Variants in AHNAK2 observed in about 807,000 individuals in gnomAD.
AHNAK2 encodes AHNAK nucleoprotein 2.
In AHNAK2, 18 loss-of-function variants were observed where a neutral mutation model predicts 30.7. The ratio of observed to expected loss-of-function variants is 0.59; its 90% CI spans 0.41 to 0.87. The LOEUF is 0.87. AHNAK2 is among the 40% of genes least tolerant of loss of function. The probability of loss-of-function intolerance (pLI) is 0.00; values close to 1 mark genes in which losing one functional copy is unlikely to be tolerated. For missense variants in AHNAK2, 8,604 were observed against 7,373.0 expected (o/e 1.17, Z -6.11); for synonymous variants, 3,590 against 3,073.8 (o/e 1.17, Z -5.56).
In AHNAK2 at chr14:104,978,299, G is replaced by A; in HGVS notation, c.-62C>T. The A allele has an allele frequency of 9.8e-7, 1 of 1,018,010 alleles. No homozygotes were observed. 63.1% of individuals were successfully genotyped at this position (1,018,010 alleles called of 1,614,324 possible). A position where few individuals can be genotyped will look rare whatever the true frequency, so the allele number is the denominator to read the frequency against. On this transcript the variant is annotated 5_prime_UTR_variant, in exon 1 of 7. Coordinates refer to ENST00000333244, the MANE Select transcript of AHNAK2 (RefSeq NM_138420.4). ...GCGTCCAGTCGCTGGTCCCGGCTCC[G>A]GCGCACGGGGCGGGCGGGCGGGAGC...
rs11548712 is a variant in AHNAK2 at position 104,937,450 on chromosome 14, T to C, written c.*613A>G. 1,228 of 152,636 alleles carry C rather than the reference T, an allele frequency of 8.0e-3. 14 individuals are homozygous for C. The highest frequency in any genetic ancestry group is 0.048 in the Middle Eastern group (14 of 294). The allele number at this position is 152,636 out of a possible 1,614,324, so 9.5% of individuals were successfully genotyped here. Reference sequence around the variant, plus strand: ...GACAACTCACAGATGTCCTAGCTTCTGCTGGCCCAGCTGCCAGCCACTGGC... The same window carrying C: ...GACAACTCACAGATGTCCTAGCTTCCGCTGGCCCAGCTGCCAGCCACTGGC... On this transcript the variant is annotated 3_prime_UTR_variant, in exon 7 of 7. Coordinates refer to ENST00000333244, the MANE Select transcript of AHNAK2 (RefSeq NM_138420.4).
At position 104,948,523 on chromosome 14, in the gene AHNAK2, C is replaced by A; in HGVS notation, c.6928G>T (p.Asp2310Tyr). Reference protein sequence around the residue: ...LEGDMSLADKDVTAKDSKFKM... With the variant: ...LEGDMSLADKYVTAKDSKFKM... ...AACTTGCTGTCTTTGGCAGTCACGTCCTTGTCGGCCAGGGACATGTCCCCC... is the reference window on the plus strand; with the variant it reads ...AACTTGCTGTCTTTGGCAGTCACGTACTTGTCGGCCAGGGACATGTCCCCC... The change falls in exon 7 of 7, where the codon GAC becomes TAC. Residue 2310 changes from aspartate to tyrosine, a missense_variant. Coordinates refer to ENST00000333244, the MANE Select transcript of AHNAK2 (RefSeq NM_138420.4). 1 of 1,612,070 alleles carries A rather than the reference C, an allele frequency of 6.2e-7. No homozygotes were observed.
chr14:104,976,241 T>TA (rs1397029032), intron 1 of AHNAK2, among the ~76,000 whole-genome samples: 7 of 152,070 alleles, frequency 4.6e-5, no homozygotes, highest in Admixed American at 2.0e-4. Flanking sequence ...TGGCTGGTGT[T>TA]ACAGTCGGCA....
rs1377662076 is a variant in AHNAK2 at position 104,940,009 on chromosome 14, C to A, written c.15442G>T (p.Gly5148Trp). 1.9e-6 allele frequency: 3 copies of A among 1,612,658 alleles called. No homozygotes were observed. Among genetic ancestry groups the A allele is most frequent in the Non-Finnish European group, 2.5e-6 (3 of 1,179,874 alleles). ...LGDVPVSQPCGEGIAPTPEDP... is the reference protein window; with the variant it reads ...LGDVPVSQPCWEGIAPTPEDP... ...TCAGGTGTGGGGGCTATCCCCTCCC[C>A]ACAAGGCTGGCTCACTGGGACATCC... Residue 5148 changes from glycine to tryptophan, a missense_variant, in exon 7 of 7, where the codon GGG becomes TGG. Gly to Trp is a radical substitution (Grantham distance 184, BLOSUM62 -2). Coordinates refer to ENST00000333244, the MANE Select transcript of AHNAK2 (RefSeq NM_138420.4). This position sits in a 1 kb window ranked among gnomAD's most constrained non-coding sequence, Gnocchi z 4.4.
Position 104,951,312 on chromosome 14 carries a change from G to A in AHNAK2, c.4139C>T (p.Pro1380Leu), listed in dbSNP as rs1284885995. 19 of 1,065,474 alleles carry A rather than the reference G, an allele frequency of 1.8e-5. 5 individuals are homozygous for A. Among genetic ancestry groups the A allele is most frequent in the African/African-American group, 1.7e-4 (12 of 69,136 alleles). 66.0% of individuals were successfully genotyped at this position (1,065,474 alleles called of 1,614,324 possible). The change falls in exon 7 of 7, where the codon CCC becomes CTC. Residue 1380 changes from proline (P) to leucine (L), a missense_variant. Transcript: ENST00000333244. ...CTGGAGCTCCAGGTCAGTGGAAGGGGGCTGAATGCTGAGGTCAGTGGTCTT... is the reference window on the plus strand; with the variant it reads ...CTGGAGCTCCAGGTCAGTGGAAGGGAGCTGAATGCTGAGGTCAGTGGTCTT... ...DLKTTDLSIQPPSTDLELQAG... is the reference protein window; with the variant it reads ...DLKTTDLSIQLPSTDLELQAG...
Position 104,953,347 on chromosome 14 carries a change from C to G in AHNAK2, c.2104G>C (p.Ala702Pro), listed in dbSNP as rs1050595344. 1.9e-6 allele frequency: 3 copies of G among 1,613,618 alleles called. No individual in the cohort carries two copies. The African/African-American group carries it at 4.0e-5, about 22-fold the overall frequency. The change falls in exon 7 of 7, where the codon GCG (alanine) becomes CCG (proline). Residue 702 changes from alanine (A) to proline (P), a missense_variant. Ala to Pro is a conservative substitution (Grantham distance 27). Coordinates refer to ENST00000333244, the MANE Select transcript of AHNAK2 (RefSeq NM_138420.4). ...KSMEASVDVS[A>P]PKVEADVSLL... ...CTCACGTCGGCCTCCACCTTCGGCG[C>G]AGACACATCCACCGAGGCCTCCATG...
chr14:104,950,301 A>G lies in AHNAK2; in HGVS notation c.5150T>C (p.Val1717Ala). 1 of 1,583,336 alleles carries G rather than the reference A, an allele frequency of 6.3e-7. No individual in the cohort carries two copies. ...TTTCACGTTCACTTGGCCAGCCTGG[A>G]CCTCCAGGTCGGCGGAAGGGGACTG... Reference protein sequence around the residue: ...SIQSPSADLEVQAGQVNVKLP... With the variant: ...SIQSPSADLEAQAGQVNVKLP... The change falls in exon 7 of 7, where the codon GTC becomes GCC. Residue 1717 changes from valine to alanine, a missense_variant. Transcript: ENST00000333244.
At position 104,953,219 on chromosome 14, in the gene AHNAK2, C is replaced by T. The variant is rs375656486; in HGVS notation, c.2232G>A (p.Pro744=). 78 of 1,612,748 alleles carry T rather than the reference C, an allele frequency of 4.8e-5. No homozygotes were observed. Among genetic ancestry groups the T allele is most frequent in the South Asian group, 2.1e-4 (19 of 91,038 alleles). Residue 744 remains proline (P), a synonymous_variant, in exon 7 of 7, where the codon CCG becomes CCA. Transcript: ENST00000333244. ...TGGCTCCCTCGGGCAGGGGGCCCTC[C>T]GGAAGTTTCACATCCACTTGGCCAT... is the stretch of plus-strand genomic sequence containing the variant. ...VQDGQVDVKL[P]EGPLPEGASL... is the part of the protein sequence containing the mutation.
At position 104,946,607 on chromosome 14, in the gene AHNAK2, G is replaced by C. The variant is rs752889924; in HGVS notation, c.8844C>G (p.Val2948=). ...EVSLPSVEVD[V]EAPRAKLDGA... ...CATCCAGCTTTGCTCTCGGGGCCTC[G>C]ACGTCCACCTCCACGCTGGGCAGAG... The change falls in exon 7 of 7, where the codon GTC becomes GTG. Residue 2948 remains valine, a synonymous_variant. Coordinates refer to ENST00000333244, the MANE Select transcript of AHNAK2 (RefSeq NM_138420.4). The C allele has an allele frequency of 4.3e-6, 7 of 1,612,612 alleles. No individual in the cohort carries two copies. The highest frequency in any genetic ancestry group is 5.9e-6 in the Non-Finnish European group (7 of 1,179,668).
At position 104,954,231 on chromosome 14, in the gene AHNAK2, C is replaced by A; in HGVS notation, c.1220G>T (p.Gly407Val). 6.2e-7 allele frequency: 1 copy of A among 1,611,806 alleles called. No individual in the cohort carries two copies. Among genetic ancestry groups the A allele is most frequent in the South Asian group, 1.1e-5 (1 of 91,078 alleles). The change falls in exon 7 of 7, where the codon GGA (glycine) becomes GTA (valine). Residue 407 changes from glycine (G) to valine (V), a missense_variant. Gly to Val is a moderately radical substitution (Grantham distance 109). Coordinates refer to ENST00000333244, the MANE Select transcript of AHNAK2 (RefSeq NM_138420.4). This position sits in a 1 kb window ranked among gnomAD's most constrained non-coding sequence, Gnocchi z 4.3. ...TELGDPRLCE[G>V]TPQEGGLRAA... The stretch of plus-strand genomic sequence containing the variant: ...CCTGAGTCCCCCTTCCTGAGGGGTT[C>A]CCTCGCAAAGTCTAGGGTCACCGAG...
In AHNAK2 at chr14:104,941,882, C is replaced by A. The variant is rs771482045; in HGVS notation, c.13569G>T (p.Gln4523His). The A allele has an allele frequency of 6.2e-7, 1 of 1,613,418 alleles. No homozygotes were observed. Among genetic ancestry groups the A allele is most frequent in the Non-Finnish European group, 8.5e-7 (1 of 1,179,678 alleles). Residue 4523 changes from glutamine (Q) to histidine (H), a missense_variant, in exon 7 of 7, where the codon CAG becomes CAT. Transcript: ENST00000333244. The part of the protein sequence containing the change: ...IQAPSADLEV[Q>H]AGQVDLKLPE... ...GAAGTTTCAAGTCCACCTGGCCAGC[C>A]TGGACCTCCAGGTCGGCGGAAGGGG...
rs1396944405 is a variant in AHNAK2 at position 104,950,469 on chromosome 14, G to A, written c.4982C>T (p.Pro1661Leu). Residue 1661 changes from proline (P) to leucine (L), a missense_variant, in exon 7 of 7, where the codon CCC becomes CTC. Transcript: ENST00000333244. ...VTAKDSKFKMPKFKMPSFGVS... is the reference protein window; with the variant it reads ...VTAKDSKFKMLKFKMPSFGVS... The stretch of plus-strand genomic sequence containing the variant: ...CCCAAATGATGGCATCTTGAACTTG[G>A]GCATTTTGAACTTGCTGTCTTTGGC... The A allele has an allele frequency of 3.2e-6, 5 of 1,586,670 alleles. 1 individual carries two copies. Among genetic ancestry groups the A allele is most frequent in the Non-Finnish European group, 4.3e-6 (5 of 1,162,886 alleles).
In AHNAK2 at chr14:104,946,104, G is replaced by A. The variant is rs750311433; in HGVS notation, c.9347C>T (p.Pro3116Leu). The change falls in exon 7 of 7, where the codon CCA becomes CTA. Residue 3116 changes from proline (P) to leucine (L), a missense_variant. Physicochemically the swap from Pro to Leu is moderately conservative, Grantham distance 98. Transcript: ENST00000333244. ...CCGTGCACCATCCAACTTGGCTCCTGGGGCCTCGACATCCACCTCCATGCC... is the reference window on the plus strand; with the variant it reads ...CCGTGCACCATCCAACTTGGCTCCTAGGGCCTCGACATCCACCTCCATGCC... ...QPGMEVDVEAPGAKLDGARLE... is the reference protein window; with the variant it reads ...QPGMEVDVEALGAKLDGARLE... The A allele has an allele frequency of 1.2e-6, 2 of 1,611,308 alleles. No homozygotes were observed. The highest frequency in any genetic ancestry group is 2.2e-5 in the East Asian group (1 of 44,634).
At position 104,947,687 on chromosome 14, in the gene AHNAK2, G is replaced by A. The variant is rs765074084; in HGVS notation, c.7764C>T (p.Val2588=). ...CTTTCAGGTCCAGCTTGGGGCCCTTGACATCTAGCTGGGGGCCCTTGAGGT... is the reference window on the plus strand; with the variant it reads ...CTTTCAGGTCCAGCTTGGGGCCCTTAACATCTAGCTGGGGGCCCTTGAGGT... ...EMDLKGPQLD[V]KGPKLDLKGP... is the part of the protein sequence containing the mutation. Residue 2588 remains valine (V), a synonymous_variant, in exon 7 of 7, where the codon GTC becomes GTT. Coordinates refer to ENST00000333244, the MANE Select transcript of AHNAK2 (RefSeq NM_138420.4). 1.9e-5 allele frequency: 30 copies of A among 1,611,386 alleles called. No individual in the cohort carries two copies. Among genetic ancestry groups the A allele is most frequent in the African/African-American group, 5.4e-5 (4 of 74,190 alleles).
chr14:104,970,404 G>T, intron 1 of AHNAK2: 1 of 985,096 alleles, frequency 1.0e-6, no homozygotes, highest in Non-Finnish European at 1.2e-6. Context: ...CCACAGACCC[G>T]CGGAAGAGTG....
At position 104,940,184 on chromosome 14, in the gene AHNAK2, C is replaced by T. The variant is rs1262856601; in HGVS notation, c.15267G>A (p.Arg5089=). Residue 5089 remains arginine (R), a synonymous_variant, in exon 7 of 7, where the codon CGG becomes CGA. Transcript: ENST00000333244. This position sits in a 1 kb window ranked among gnomAD's most constrained non-coding sequence, Gnocchi z 4.4. The part of the protein sequence containing the change: ...ATGSEGVNLH[R]PQVHIPSLGF... ...CCAAACTGGGAATGTGGACCTGTGG[C>T]CGGTGGAGGTTCACACCCTCACTTC... 1 of 1,613,554 alleles carries T rather than the reference C, an allele frequency of 6.2e-7. No individual in the cohort carries two copies. The highest frequency in any genetic ancestry group is 8.5e-7 in the Non-Finnish European group (1 of 1,179,866).
intron 1 of AHNAK2, among the ~76,000 whole-genome samples, chr14:104,964,350 G>C (rs1180200727): frequency 2.0e-5 from 3 of 152,182 alleles, no homozygotes; most frequent in African/African-American, 7.2e-5. Flanking sequence ...CTGGAGACAA[G>C]GCCTAGGGCA....
At position 104,946,260 on chromosome 14, in the gene AHNAK2, A is replaced by C; in HGVS notation, c.9191T>G (p.Leu3064Trp). 1.2e-6 allele frequency: 2 copies of C among 1,608,934 alleles called. No homozygotes were observed. Among genetic ancestry groups the C allele is most frequent in the Non-Finnish European group, 1.7e-6 (2 of 1,178,092 alleles). ...GAGLKGHLPK[L>W]QMPSFKMPKV... ...GGGCATCTTGAAACTGGGCATCTGCAACTTGGGCAGGTGCCCTTTGAGGCC... is the reference window on the plus strand; with the variant it reads ...GGGCATCTTGAAACTGGGCATCTGCCACTTGGGCAGGTGCCCTTTGAGGCC... Residue 3064 changes from leucine to tryptophan, a missense_variant, in exon 7 of 7, where the codon TTG (leucine) becomes TGG (tryptophan). Physicochemically the swap from Leu to Trp is moderately conservative, Grantham distance 61. Transcript: ENST00000333244.
intron 1 of AHNAK2, among the ~76,000 whole-genome samples, chr14:104,958,329 TC>T (rs1899040639): frequency 6.6e-6 from 1 of 152,026 alleles, no homozygotes; most frequent in Non-Finnish European, 1.5e-5. Context: ...ATGCCTGTAA[TC>T]CCAGCTACTC....
Sources: gnomAD v4.1 joint callset for allele counts (sites outside exome capture counted in the v4.1 genomes callset) on GRCh38, gnomAD v4.1.1 for gene constraint, Gnocchi (gnomAD v3.1) non-coding constraint, MANE v1.5 for transcripts, NCBI Gene and HGNC (gene_info 2026-07-23, HGNC 2026-07-21) for gene names.